The following ADD3 variants were observed in gnomAD, a reference collection of about 807,000 sequenced individuals.
The protein encoded by ADD3 is gamma-adducin.
Under a neutral mutation model 80.2 loss-of-function variants are expected in ADD3, and 25 were observed. The ratio of observed to expected loss-of-function variants is 0.31; its 90% CI spans 0.23 to 0.44. The LOEUF is 0.44. Ranked by LOEUF, ADD3 falls within the 20% of genes least tolerant of loss-of-function variation. The probability of loss-of-function intolerance (pLI) is 1.00; values close to 1 mark genes in which losing one functional copy is unlikely to be tolerated. For missense variants in ADD3, 829 were observed against 847.5 expected (o/e 0.98, Z 0.27); for synonymous variants, 284 against 289.6 (o/e 0.98, Z 0.20).
intron 8 of ADD3, among the ~76,000 whole-genome samples, chr10:110,121,063 G>A (rs1851430183): frequency 6.6e-6 from 1 of 151,772 alleles, no homozygotes; most frequent in African/African-American, 2.4e-5. Context: ...GAAAACCTAG[G>A]CATTACCATT....
At chr10:110,029,751 A>G (rs1050598927) in intron 1 of ADD3, among the ~76,000 whole-genome samples, 2 of 152,222 alleles carry the variant, frequency 1.3e-5, no homozygotes, top group Admixed American at 6.5e-5. Context: ...AGCAAACCAT[A>G]TGACAAGACT....
At chr10:110,054,679 C>A (rs1446442567) in intron 1 of ADD3, among the ~76,000 whole-genome samples, 1 of 149,900 alleles carries the variant, frequency 6.7e-6, no homozygotes, top group African/African-American at 2.5e-5. Context: ...GTGGCACGAT[C>A]TCCGCTCACT....
intron 1 of ADD3, among the ~76,000 whole-genome samples, chr10:110,079,451 AGAGAGAGAGAGTGTGTGT>A (rs1845778473): frequency 1.5e-5 from 2 of 132,778 alleles, no homozygotes; most frequent in Admixed American, 7.2e-5. Context: ...AGAGAGAGAG[AGAGAGAGAGAGTGTGTGT>A]GTGTGTGTGT....
chr10:110,097,397 T>C (rs956532027), intron 1 of ADD3, among the ~76,000 whole-genome samples: 1 of 152,196 alleles, frequency 6.6e-6, no homozygotes, highest in Non-Finnish European at 1.5e-5. Context: ...TGTGTTGAGA[T>C]TGGATTTGTC....
At chr10:110,007,718 G>A (rs1037955328), upstream of ADD3, among the ~76,000 whole-genome samples, 3 of 152,182 alleles carry the variant, frequency 2.0e-5, no homozygotes, top group Non-Finnish European at 4.4e-5. Flanking sequence ...TAGAGCTTGA[G>A]GGCGCGGAGG....
In ADD3 at chr10:110,117,718, T is replaced by TA. The variant is rs888533871; in HGVS notation, c.567+304dup. 7.9e-5 allele frequency among the ~76,000 whole-genome samples: 12 copies of TA among 151,246 alleles called. No individual in the cohort carries two copies. In the South Asian group the frequency reaches 1.9e-3, roughly 24 times the overall value. On this transcript the variant is annotated intron_variant, in intron 5 of 14. Transcript: ENST00000356080. ...CAGAAATTTGTGTAAAAAAATTGTG[T>TA]AAAAAAAACACACACGGCCAGGTGC...
intron 1 of ADD3, among the ~76,000 whole-genome samples, chr10:110,089,423 T>C (rs1024905572): frequency 6.6e-6 from 1 of 152,090 alleles, no homozygotes; most frequent in Non-Finnish European, 1.5e-5. Context: ...ATCTAAGTAA[T>C]CAATCCACTA....
chr10:110,076,513 G>A (rs557853219), intron 1 of ADD3, among the ~76,000 whole-genome samples: 1 of 152,242 alleles, frequency 6.6e-6, no homozygotes, highest in South Asian at 2.1e-4. Context: ...ATTGCTAGTT[G>A]ATAATAAAAC....
Position 110,117,394 on chromosome 10 carries a change from C to A in ADD3, c.539C>A (p.Ser180Tyr), listed in dbSNP as rs775170094. 3 of 1,606,314 alleles carry A rather than the reference C, an allele frequency of 1.9e-6. No homozygotes were observed. Among genetic ancestry groups the A allele is most frequent in the Non-Finnish European group, 2.6e-6 (3 of 1,173,320 alleles). The change falls in exon 5 of 15, where the codon TCT becomes TAT. Residue 180 changes from serine to tyrosine, a missense_variant. By Grantham distance (144) the Ser-to-Tyr change is moderately radical. Coordinates refer to ENST00000356080, the MANE Select transcript of ADD3 (RefSeq NM_016824.5). ...DHIIIIPRGL[S>Y]FSEATASNLV... ...ATTATAATAATTCCCAGAGGCCTAT[C>A]TTTTTCTGAAGCTACAGCCTCCAAT...
intron 1 of ADD3, 118 bp from the exon 2 acceptor site, chr10:110,100,507 C>G (rs1848690360): frequency 1.9e-6 from 1 of 525,378 alleles, no homozygotes; most frequent in African/African-American, 2.0e-5. Flanking sequence ...TGAGAAGCTA[C>G]TTTTTAAAGT....
chr10:110,000,516 G>A (rs1049750402), intron 1 of ADD3, among the ~76,000 whole-genome samples: 14 of 152,184 alleles, frequency 9.2e-5, no homozygotes, highest in African/African-American at 3.1e-4. Flanking sequence ...GCTCTGTTAT[G>A]AGCAACTGGT....
At chr10:110,016,040 C>T (rs1279748481) in intron 1 of ADD3, among the ~76,000 whole-genome samples, 1 of 152,178 alleles carries the variant, frequency 6.6e-6, no homozygotes. Context: ...TCCCTGTGCT[C>T]TTTTAGAGTG....
At chr10:110,125,203 T>C (rs889722429) in intron 10 of ADD3, among the ~76,000 whole-genome samples, 1 of 152,228 alleles carries the variant, frequency 6.6e-6, no homozygotes, top group African/African-American at 2.4e-5. Context: ...TTTACAGAGA[T>C]TGATGGTCAG....
intron 1 of ADD3, among the ~76,000 whole-genome samples, chr10:110,073,874 C>G (rs540608034): frequency 1.4e-3 from 220 of 152,234 alleles, no homozygotes; most frequent in African/African-American, 5.1e-3. Flanking sequence ...CTTCCCACCC[C>G]CGACTAACAT....
intron 1 of ADD3, among the ~76,000 whole-genome samples, chr10:110,014,841 T>C (rs1852754941): frequency 1.3e-5 from 2 of 152,134 alleles, no homozygotes; most frequent in African/African-American, 4.8e-5. Flanking sequence ...TTTACAGTTT[T>C]TATTGTCAGA....
chr10:110,064,868 G>T (rs1019835827), intron 1 of ADD3, among the ~76,000 whole-genome samples: 1 of 151,654 alleles, frequency 6.6e-6, no homozygotes, highest in Non-Finnish European at 1.5e-5. Flanking sequence ...TCCCAGCCTG[G>T]GCAACATGGC....
At chr10:110,104,061 AC>A (rs2133979298) in intron 2 of ADD3, among the ~76,000 whole-genome samples, 1 of 152,164 alleles carries the variant, frequency 6.6e-6, no homozygotes, top group Admixed American at 6.5e-5. Flanking sequence ...AGGGTGTAGA[AC>A]CTTAAGTACA....
intron 8 of ADD3, among the ~76,000 whole-genome samples, chr10:110,120,038 G>A (rs1851260205): frequency 1.3e-5 from 2 of 151,446 alleles, no homozygotes; most frequent in South Asian, 4.2e-4. Context: ...CAGAGATGTT[G>A]AATGTATTTA....
intron 1 of ADD3, among the ~76,000 whole-genome samples, chr10:110,082,787 T>G (rs1055289227): frequency 6.6e-6 from 1 of 152,236 alleles, no homozygotes; most frequent in Admixed American, 6.5e-5. Context: ...TATTTCCAGA[T>G]ACCGATAATG....
Sources: allele counts gnomAD v4.1 joint callset (sites outside exome capture counted in the v4.1 genomes callset), GRCh38; gene constraint gnomAD v4.1.1; transcripts MANE v1.5; gene names NCBI Gene and HGNC (gene_info 2026-07-23, HGNC 2026-07-21).